EPB41L4B: variants seen among roughly 807,000 people sequenced by gnomAD.
EPB41L4B encodes erythrocyte membrane protein band 4.1 like 4B.
A neutral mutation model predicts 112.5 loss-of-function variants in EPB41L4B; 30 were observed. That is an observed-to-expected ratio of 0.27 (90% CI 0.20 to 0.36). The LOEUF (loss-of-function observed/expected upper bound fraction) is 0.36, where lower values mean the gene tolerates loss of function less well. Among genes scored for constraint, EPB41L4B ranks in the 10% least tolerant of loss-of-function variants. The probability of loss-of-function intolerance (pLI) is 1.00; values close to 1 mark genes in which losing one functional copy is unlikely to be tolerated. For synonymous variants in EPB41L4B, 408 were observed against 439.7 expected (o/e 0.93, Z 0.90); for missense variants, 1,024 against 1,133.3 (o/e 0.90, Z 1.38).
chr9:109,226,768 GAATA>G (rs1833794307), intron 15 of EPB41L4B, among the ~76,000 whole-genome samples: 4 of 131,260 alleles, frequency 3.0e-5, no homozygotes, highest in Non-Finnish European at 6.5e-5. Flanking sequence ...ATATATATAT[GAATA>G]TATATATGAA....
intron 1 of EPB41L4B, 47 bp from the exon 2 acceptor site, chr9:109,279,968 G>A (rs1382432125): frequency 1.4e-6 from 2 of 1,455,184 alleles, no homozygotes; most frequent in East Asian, 2.3e-5. Flanking sequence ...GAGACAGCTA[G>A]ATAAGAAAAA....
intron 15 of EPB41L4B, chr9:109,239,890 C>T (rs1834293738): frequency 3.0e-6 from 3 of 985,380 alleles, no homozygotes; most frequent in African/African-American, 1.7e-5. Flanking sequence ...CCCACTGCCA[C>T]CACTTCTCTC....
At chr9:109,191,497 G>A (rs1454478397) in intron 22 of EPB41L4B, among the ~76,000 whole-genome samples, 3 of 152,112 alleles carry the variant, frequency 2.0e-5, no homozygotes, top group African/African-American at 4.8e-5. Context: ...TTACTGAAGG[G>A]GTGCAAGCAG....
At chr9:109,201,417 T>C (rs1220898565) in intron 19 of EPB41L4B, among the ~76,000 whole-genome samples, 1 of 142,948 alleles carries the variant, frequency 7.0e-6, no homozygotes, top group Admixed American at 7.4e-5. Context: ...GCTACTCCAC[T>C]GCAGCCTGGG....
chr9:109,285,522 C>T (rs1281242428), intron 1 of EPB41L4B, among the ~76,000 whole-genome samples: 1 of 152,126 alleles, frequency 6.6e-6, no homozygotes, highest in Non-Finnish European at 1.5e-5. Context: ...TCTTTGTTTG[C>T]TACCTTCTGC....
chr9:109,279,956 G>A (rs777585088), intron 1 of EPB41L4B, 35 bp from the exon 2 acceptor site: 14 of 1,537,922 alleles, frequency 9.1e-6, no homozygotes, highest in Admixed American at 1.8e-5. Context: ...AAAACTTAGG[G>A]TGAGACAGCT....
At chr9:109,185,977 T>C (rs1269842758) in intron 22 of EPB41L4B, among the ~76,000 whole-genome samples, 1 of 151,874 alleles carries the variant, frequency 6.6e-6, no homozygotes, top group East Asian at 1.9e-4. Context: ...TTCTGAAGCA[T>C]TGCCCAGGCC....
At chr9:109,192,185 C>T in intron 22 of EPB41L4B, 93 bp downstream of exon 22, 2 of 1,010,828 alleles carry the variant, frequency 2.0e-6, no homozygotes, top group South Asian at 3.2e-5. Context: ...AGAGGCTCCT[C>T]AACAGCAATG....
At chr9:109,222,768 TA>T (rs2118865146) in intron 15 of EPB41L4B, among the ~76,000 whole-genome samples, 1 of 152,306 alleles carries the variant, frequency 6.6e-6, no homozygotes, top group South Asian at 2.1e-4. Flanking sequence ...GCTATGTGCC[TA>T]GCACTGTGCT....
rs564254601 is a variant in EPB41L4B at position 109,218,527 on chromosome 9, A to G, written c.1410-1382T>C. ...ACCAACAAACAACATTCTACACACA[A>G]TATCAGGCCCTCTAGAGCCTCTCCA... On this transcript the variant is annotated intron_variant, in intron 15 of 25. Coordinates refer to ENST00000374566, the MANE Select transcript of EPB41L4B (RefSeq NM_019114.5). Among the ~76,000 whole-genome samples, 5 of 152,160 alleles carry G rather than the reference A, an allele frequency of 3.3e-5. No homozygotes were observed. In the South Asian group the frequency reaches 1.0e-3, roughly 32 times the overall value.
chr9:109,201,429 G>A lies in EPB41L4B; in HGVS notation c.1947-1095C>T, dbSNP rs143829594. 3.2e-4 allele frequency among the ~76,000 whole-genome samples: 44 copies of A among 138,914 alleles called. No individual in the cohort carries two copies. In the East Asian group the frequency reaches 8.5e-3, roughly 27 times the overall value. 91.1% of individuals were successfully genotyped at this position (138,914 alleles called of 152,430 possible). A position where few individuals can be genotyped will look rare whatever the true frequency, so the allele number is the denominator to read the frequency against. ...TATGCTACTCCACTGCAGCCTGGGTGCTGGAGTGAGACCCTGTCTCAAAAA... is the reference window on the plus strand; with the variant it reads ...TATGCTACTCCACTGCAGCCTGGGTACTGGAGTGAGACCCTGTCTCAAAAA... On this transcript the variant is annotated intron_variant, in intron 19 of 25. Transcript: ENST00000374566.
rs372119077 is a variant in EPB41L4B at position 109,176,681 on chromosome 9, T to C, written c.2503A>G (p.Ser835Gly). The change falls in exon 25 of 26, where the codon AGT (serine) becomes GGT (glycine). Residue 835 changes from serine to glycine, a missense_variant. Transcript: ENST00000374566. The stretch of plus-strand genomic sequence containing the variant: ...GGGCCAGGACAGCACTGTAATTTAC[T>C]GTCTCTGAAGTCTGCCTGGAGAAGA... ...GPQFTADFRD[S>G]KLQCCPGPTS... is the part of the protein sequence containing the mutation. 22 of 1,613,180 alleles carry C rather than the reference T, an allele frequency of 1.4e-5. No individual in the cohort carries two copies. The African/African-American group carries it at 2.7e-4, about 20-fold the overall frequency.
At chr9:109,196,997 G>A (rs1321899489) in intron 20 of EPB41L4B, among the ~76,000 whole-genome samples, 2 of 152,158 alleles carry the variant, frequency 1.3e-5, no homozygotes, top group African/African-American at 2.4e-5. Flanking sequence ...AGCCAAAAGG[G>A]CGATGTGTGC....
rs760738233 is a variant in EPB41L4B, at chr9:109,185,599, G to T, written c.2308C>A (p.Pro770Thr). Residue 770 changes from proline to threonine, a missense_variant, in exon 23 of 26, where the codon CCC (proline) becomes ACC (threonine). By Grantham distance (38) the Pro-to-Thr change is conservative (BLOSUM62 -1). Coordinates refer to ENST00000374566, the MANE Select transcript of EPB41L4B (RefSeq NM_019114.5). ...DFTEATPLAE[P>T]ASNPHCAHSR... ...TGGGCACAGTGGGGGTTGCTGGCGGGCTCTGCCTGCTCACGAGGAGAGGAG... is the reference window on the plus strand; with the variant it reads ...TGGGCACAGTGGGGGTTGCTGGCGGTCTCTGCCTGCTCACGAGGAGAGGAG... The T allele has an allele frequency of 6.2e-7, 1 of 1,606,836 alleles. No individual in the cohort carries two copies. Among genetic ancestry groups the T allele is most frequent in the Non-Finnish European group, 8.5e-7 (1 of 1,176,240 alleles).
chr9:109,220,264 C>T (rs756928831), intron 15 of EPB41L4B, among the ~76,000 whole-genome samples: 3 of 151,972 alleles, frequency 2.0e-5, no homozygotes, highest in East Asian at 1.9e-4. Flanking sequence ...AGCAAAGGAA[C>T]GGTGGTTGAA....
At chr9:109,176,814 C>T (rs770263796) in intron 24 of EPB41L4B, 118 bp from the exon 25 acceptor site, 2 of 1,163,444 alleles carry the variant, frequency 1.7e-6, no homozygotes, top group Admixed American at 2.6e-5. Flanking sequence ...CAGCTAAAAT[C>T]GATTGTCATT....
intron 6 of EPB41L4B, among the ~76,000 whole-genome samples, chr9:109,260,727 T>G (rs1346677291): frequency 1.3e-5 from 2 of 152,222 alleles, no homozygotes; most frequent in African/African-American, 4.8e-5. Flanking sequence ...CAATTGTATC[T>G]TAAAATCACA....
At chr9:109,284,646 A>G (rs1487095522) in intron 1 of EPB41L4B, among the ~76,000 whole-genome samples, 1 of 152,188 alleles carries the variant, frequency 6.6e-6, no homozygotes, top group African/African-American at 2.4e-5. Flanking sequence ...CTCTGGGCTC[A>G]AGTGATCCAC....
intron 14 of EPB41L4B, 94 bp downstream of exon 14, chr9:109,247,662 A>T: frequency 1.2e-6 from 1 of 863,178 alleles, no homozygotes; most frequent in African/African-American, 1.7e-5. Context: ...ACTGCTCATT[A>T]TGGAAAATTT....
Sources: gnomAD v4.1 joint callset for allele counts (sites outside exome capture counted in the v4.1 genomes callset) on GRCh38, gnomAD v4.1.1 for gene constraint, MANE v1.5 for transcripts, NCBI Gene and HGNC (gene_info 2026-07-23, HGNC 2026-07-21) for gene names.